Variants in COL4A5 observed in about 807,000 individuals in gnomAD.
COL4A5 encodes collagen alpha-5(IV) chain.
A neutral mutation model predicts 130.2 loss-of-function variants in COL4A5; 26 were observed. That is an observed-to-expected ratio of 0.20 (90% CI 0.15 to 0.28). The LOEUF is 0.28. COL4A5 is among the 10% of genes least tolerant of loss of function. The pLI, the probability that COL4A5 is intolerant of heterozygous loss-of-function variation, is 1.00. For missense variants in COL4A5, 1,131 were observed against 1,344.3 expected, an observed-to-expected ratio of 0.84 and a Z score of 2.48; for synonymous variants, 496 against 439.6, an observed-to-expected ratio of 1.13 and a Z score of -1.60.
chrX:108,578,680 A>ATTT (rs746538984), intron 13 of COL4A5, among the ~76,000 whole-genome samples: 1 of 98,635 alleles, frequency 1.0e-5, no homozygotes, highest in African/African-American at 3.8e-5. Context: ...GAGATTATTA[A>ATTT]TTTTTTTTTT....
chrX:108,470,826 G>A (rs1409506803), intron 1 of COL4A5, among the ~76,000 whole-genome samples: 1 of 111,687 alleles, frequency 9.0e-6, no homozygotes, highest in African/African-American at 3.3e-5. Context: ...TTCATATATG[G>A]TGAGAGGTAG....
In COL4A5 at chrX:108,483,227, G is replaced by A. The variant is rs755252907; in HGVS notation, c.81+43021G>A. On this transcript the variant is annotated intron_variant, in intron 1 of 52. Transcript: ENST00000328300. The stretch of plus-strand genomic sequence containing the variant: ...TATGTGTGTGTGTGTGTGTGTATGT[G>A]TGTGTGTGTGTGTGTGTGTGTATGT... 5.8e-5 allele frequency among the ~76,000 whole-genome samples: 6 copies of A among 103,244 alleles called. No homozygotes were observed. The East Asian group carries it at 1.2e-3, about 20-fold the overall frequency. The allele number at this position is 103,244 out of a possible 115,157, so 89.7% of individuals were successfully genotyped here. A position where few individuals can be genotyped will look rare whatever the true frequency, so the allele number is the denominator to read the frequency against.
chrX:108,624,283 G>GACCCAGGGCAACCTGGAC lies in COL4A5; in HGVS notation c.2966_2983dup (p.Gly994_Leu995insHisProGlyGlnProGly). On this transcript the variant is annotated inframe_insertion, in exon 34 of 53. Coordinates refer to ENST00000328300, the MANE Select transcript of COL4A5 (RefSeq NM_033380.3). The stretch of plus-strand genomic sequence containing the variant: ...AAAAGGTTATCAGGGTTTGCCTGGA[G>GACCCAGGGCAACCTGGAC]ACCCAGGGCAACCTGGACTGAGTGG... 8.3e-7 allele frequency: 1 copy of GACCCAGGGCAACCTGGAC among 1,211,093 alleles called. No homozygotes were observed. Among genetic ancestry groups the GACCCAGGGCAACCTGGAC allele is most frequent in the Non-Finnish European group, 1.1e-6 (1 of 895,071 alleles).
chrX:108,548,317 A>G (rs1025207095), intron 2 of COL4A5, among the ~76,000 whole-genome samples: 2 of 112,362 alleles, frequency 1.8e-5, no homozygotes, highest in Non-Finnish European at 3.8e-5. Context: ...ATAAGAAAAA[A>G]CAATTGACCT....
intron 1 of COL4A5, among the ~76,000 whole-genome samples, chrX:108,456,872 T>G (rs2064589736): frequency 8.9e-6 from 1 of 112,229 alleles, no homozygotes; most frequent in African/African-American, 3.2e-5. Flanking sequence ...GTCAAGCCTT[T>G]AATCACTTAG....
chrX:108,490,275 T>G (rs2064982571), intron 1 of COL4A5, among the ~76,000 whole-genome samples: 1 of 112,100 alleles, frequency 8.9e-6, no homozygotes, highest in African/African-American at 3.2e-5. Context: ...TTTCTACAAA[T>G]GGAGCTGTTG....
intron 30 of COL4A5, among the ~76,000 whole-genome samples, chrX:108,617,839 A>G (rs955697803): frequency 8.9e-6 from 1 of 112,031 alleles, no homozygotes; most frequent in African/African-American, 3.2e-5. Flanking sequence ...AGAGGAAAAA[A>G]AAATTCATCA....
chrX:108,528,854 C>A (rs1344808117), intron 1 of COL4A5, among the ~76,000 whole-genome samples: 1 of 111,738 alleles, frequency 8.9e-6, no homozygotes, highest in Non-Finnish European at 1.9e-5. Flanking sequence ...TTATTGTTAG[C>A]CCCAAGGATG....
intron 1 of COL4A5, among the ~76,000 whole-genome samples, chrX:108,444,845 A>G (rs1475185785): frequency 1.8e-5 from 2 of 111,797 alleles, no homozygotes; most frequent in Non-Finnish European, 3.8e-5. Context: ...CTCTTCTGGT[A>G]TTTCTCTTCA....
At chrX:108,542,521 G>A (rs1232803187) in intron 2 of COL4A5, among the ~76,000 whole-genome samples, 2 of 110,674 alleles carry the variant, frequency 1.8e-5, no homozygotes, top group South Asian at 3.8e-4. Context: ...TGGACATTTG[G>A]GTTGGTTCCA....
At chrX:108,571,226 T>C (rs1399404516) in intron 6 of COL4A5, among the ~76,000 whole-genome samples, 187 bp from the exon 7 acceptor site, 1 of 111,960 alleles carries the variant, frequency 8.9e-6, no homozygotes, top group Non-Finnish European at 1.9e-5. Context: ...TGAATTGGGA[T>C]AAAAGTTGAA....
chrX:108,612,175 G>A (rs754137709), intron 29 of COL4A5, among the ~76,000 whole-genome samples: 1 of 111,278 alleles, frequency 9.0e-6, no homozygotes, highest in African/African-American at 3.3e-5. Flanking sequence ...ACAAAATCTT[G>A]ATCCATTATG....
At chrX:108,564,861 T>C (rs1024428092) in intron 4 of COL4A5, among the ~76,000 whole-genome samples, 1 of 111,733 alleles carries the variant, frequency 8.9e-6, no homozygotes, top group Non-Finnish European at 1.9e-5. Flanking sequence ...CTGTTTGCTA[T>C]ATACTTCTTA....
At chrX:108,469,806 C>T (rs917682865) in intron 1 of COL4A5, among the ~76,000 whole-genome samples, 3 of 111,545 alleles carry the variant, frequency 2.7e-5, no homozygotes, top group Non-Finnish European at 3.8e-5. Flanking sequence ...CTCTAGTAGT[C>T]CCCAGTGTTT....
intron 2 of COL4A5, among the ~76,000 whole-genome samples, chrX:108,542,496 C>A (rs1198721347): frequency 9.0e-6 from 1 of 110,974 alleles, no homozygotes; most frequent in African/African-American, 3.3e-5. Context: ...TTTTCTTAAT[C>A]CAGCCTATCA....
chrX:108,597,541 A>G lies in COL4A5; in HGVS notation c.1752A>G (p.Pro584=), dbSNP rs1300623521. 3 of 1,210,616 alleles carry G rather than the reference A, an allele frequency of 2.5e-6. No individual in the cohort carries two copies. Among genetic ancestry groups the G allele is most frequent in the Non-Finnish European group, 3.4e-6 (3 of 895,239 alleles). ...LPGTPGQDGL[P]GLPGPKGEPG... ...GCACTCCTGGACAGGATGGATTGCC[A>G]GGGCTTCCTGGCCCGAAAGGAGAGC... Residue 584 remains proline (P), a synonymous_variant, in exon 24 of 53, where the codon CCA becomes CCG. Coordinates refer to ENST00000328300, the MANE Select transcript of COL4A5 (RefSeq NM_033380.3).
At chrX:108,547,051 C>T (rs903916566) in intron 2 of COL4A5, among the ~76,000 whole-genome samples, 2 of 111,765 alleles carry the variant, frequency 1.8e-5, no homozygotes, top group African/African-American at 3.3e-5. Flanking sequence ...GCATTGGGTT[C>T]GAACTTCCTC....
intron 4 of COL4A5, 36 bp downstream of exon 4, chrX:108,563,962 G>C: frequency 9.3e-7 from 1 of 1,078,741 alleles, no homozygotes; most frequent in South Asian, 1.9e-5. Context: ...ATACTTTGTT[G>C]GTGGAAACAG....
At chrX:108,581,062 G>A in intron 16 of COL4A5, 35 bp downstream of exon 16, 1 of 1,154,450 alleles carries the variant, frequency 8.7e-7, no homozygotes, top group Non-Finnish European at 1.2e-6. Context: ...CTGCAAAACT[G>A]GAGACATTTA....
Sources: allele counts gnomAD v4.1 joint callset (sites outside exome capture counted in the v4.1 genomes callset), GRCh38; gene constraint gnomAD v4.1.1; transcripts MANE v1.5; gene names NCBI Gene and HGNC (gene_info 2026-07-23, HGNC 2026-07-21).